The following ATP9B variants were observed in gnomAD, a reference collection of about 807,000 sequenced individuals.
ATP9B encodes ATPase phospholipid transporting 9B, also known as probable phospholipid-transporting ATPase IIB.
Under a neutral mutation model 146.1 loss-of-function variants are expected in ATP9B, and 110 were observed. The ratio of observed to expected loss-of-function variants is 0.75; its 90% confidence interval spans 0.65 to 0.88. ATP9B has a LOEUF of 0.88. Among genes scored for constraint, ATP9B ranks in the 40% least tolerant of loss-of-function variants. The pLI is 0.00. For missense variants in ATP9B, 1,499 were observed against 1,496.4 expected, an observed-to-expected ratio of 1.00 and a Z score of -0.03; for synonymous variants, 604 against 569.7, an observed-to-expected ratio of 1.06 and a Z score of -0.86.
chr18:79,297,363 C>T (rs558292196), intron 13 of ATP9B, among the ~76,000 whole-genome samples: 3 of 148,212 alleles, frequency 2.0e-5, no homozygotes, highest in African/African-American at 7.5e-5. Flanking sequence ...AGAGAGGAGA[C>T]ACAGACGACC....
At chr18:79,207,062 CTT>C in intron 10 of ATP9B, 50 bp downstream of exon 10, 1 of 1,555,948 alleles carries the variant, frequency 6.4e-7, no homozygotes, top group Non-Finnish European at 8.9e-7. Context: ...ATAGATGATG[CTT>C]TGTTTTGTCC....
At chr18:79,322,054 T>G (rs747465181) in intron 15 of ATP9B, among the ~76,000 whole-genome samples, 30 of 152,298 alleles carry the variant, frequency 2.0e-4, no homozygotes, top group Admixed American at 3.9e-4. Flanking sequence ...GATGCACAGG[T>G]GCCACCTCCC....
chr18:79,216,665 C>T (rs541376228), intron 11 of ATP9B, among the ~76,000 whole-genome samples: 13 of 152,296 alleles, frequency 8.5e-5, no homozygotes, highest in East Asian at 5.8e-4. Context: ...TTCCAGTTTC[C>T]GCTGTGTGGG....
chr18:79,321,292 T>C (rs763070124), intron 15 of ATP9B, among the ~76,000 whole-genome samples: 1 of 152,228 alleles, frequency 6.6e-6, no homozygotes, highest in African/African-American at 2.4e-5. Flanking sequence ...CGTGAAGTAT[T>C]GAGTACTTAG....
chr18:79,100,789 G>C (rs2146842066), intron 2 of ATP9B, among the ~76,000 whole-genome samples: 1 of 152,288 alleles, frequency 6.6e-6, no homozygotes, highest in South Asian at 2.1e-4. Context: ...TATGGCAGAA[G>C]GCAAGGAGGA....
chr18:79,170,848 A>C (rs2095059870), intron 7 of ATP9B, among the ~76,000 whole-genome samples: 1 of 152,200 alleles, frequency 6.6e-6, no homozygotes, highest in African/African-American at 2.4e-5. Flanking sequence ...CGCCAAATTT[A>C]TTCAGTTTAT....
intron 8 of ATP9B, among the ~76,000 whole-genome samples, chr18:79,189,748 C>G (rs1245901115): frequency 6.6e-6 from 1 of 152,240 alleles, no homozygotes; most frequent in African/African-American, 2.4e-5. Flanking sequence ...GCAGCCACAG[C>G]TGCAGACTTT....
chr18:79,286,583 C>T (rs1328820757), intron 13 of ATP9B, among the ~76,000 whole-genome samples: 3 of 152,162 alleles, frequency 2.0e-5, no homozygotes, highest in Non-Finnish European at 4.4e-5. Flanking sequence ...GTTTGACTTC[C>T]TCTTTCCCTA....
At chr18:79,186,718 A>G (rs2095311340) in intron 8 of ATP9B, among the ~76,000 whole-genome samples, 1 of 152,228 alleles carries the variant, frequency 6.6e-6, no homozygotes, top group South Asian at 2.1e-4. Flanking sequence ...AATTTTTGCT[A>G]TTAATAGTAC....
intron 5 of ATP9B, among the ~76,000 whole-genome samples, chr18:79,140,705 T>C (rs71364799): frequency 6.6e-6 from 1 of 151,970 alleles, no homozygotes; most frequent in Non-Finnish European, 1.5e-5. Flanking sequence ...ACTTGAACCC[T>C]GGAGGCGGAG....
At position 79,071,869 on chromosome 18, in the gene ATP9B, T is replaced by C. The variant is rs1485944737; in HGVS notation, c.119+2340T>C. On this transcript the variant is annotated intron_variant, in intron 1 of 29. Coordinates refer to ENST00000426216, the MANE Select transcript of ATP9B (RefSeq NM_198531.5). ...TGATGTGTCTTATCATGGATTTCTT[T>C]GGATTTCATGTTTGGTTTTGTTTTT... Among the ~76,000 whole-genome samples, 6 of 149,748 alleles carry C rather than the reference T, an allele frequency of 4.0e-5. No individual in the cohort carries two copies. In the East Asian group the frequency reaches 5.9e-4, roughly 15 times the overall value.
intron 11 of ATP9B, among the ~76,000 whole-genome samples, chr18:79,221,582 G>A (rs568455292): frequency 2.7e-4 from 41 of 152,234 alleles, no homozygotes; most frequent in Non-Finnish European, 4.1e-4. Context: ...TTAGCCGGGC[G>A]TGGTGGCGTG....
At chr18:79,347,060 C>T (rs921211021) in intron 23 of ATP9B, among the ~76,000 whole-genome samples, 3 of 152,226 alleles carry the variant, frequency 2.0e-5, no homozygotes, top group Admixed American at 6.5e-5. Flanking sequence ...GCAGATCCCT[C>T]GGCGAGCCTT....
chr18:79,073,075 G>A (rs953056437), intron 1 of ATP9B, among the ~76,000 whole-genome samples: 1 of 152,018 alleles, frequency 6.6e-6, no homozygotes, highest in African/African-American at 2.4e-5. Context: ...ATGATGGGCC[G>A]CCAGGCGGAG....
intron 26 of ATP9B, 181 bp from the exon 27 acceptor site, chr18:79,372,644 T>G (rs751987088): frequency 1.9e-5 from 13 of 677,642 alleles, no homozygotes; most frequent in African/African-American, 8.9e-5. Context: ...CCAGGCAGCT[T>G]CTTCAGGATT....
intron 9 of ATP9B, among the ~76,000 whole-genome samples, chr18:79,200,727 G>GTCGGGGTCAGAGCAGAGGCGGAGGTGGGA: frequency 1.9e-3 from 85 of 45,502 alleles, no homozygotes; most frequent in African/African-American, 4.0e-3. Context: ...TGGAGGTGGG[G>GTCGGGGTCAGAGCAGAGGCGGAGGTGGGA]ACTGTCGGGG....
Position 79,246,021 on chromosome 18 carries a change from C to CTG in ATP9B, c.1108-7359_1108-7358dup, listed in dbSNP as rs1353044289. ...TGTGCGGAGGGCACCGCCCTACTGA[C>CTG]TGAGGAGGGCACCGCCCTACTGACT... On this transcript the variant is annotated intron_variant, in intron 11 of 29. Coordinates refer to ENST00000426216, the MANE Select transcript of ATP9B (RefSeq NM_198531.5). Among the ~76,000 whole-genome samples the CTG allele has an allele frequency of 2.6e-4, 32 of 123,394 alleles. No homozygotes were observed. In the East Asian group the frequency reaches 2.6e-3, roughly 10 times the overall value. 81.0% of individuals were successfully genotyped at this position (123,394 alleles called of 152,430 possible). A position where few individuals can be genotyped will look rare whatever the true frequency, so the allele number is the denominator to read the frequency against.
chr18:79,143,941 TGAAA>T, intron 6 of ATP9B, 81 bp downstream of exon 6: 1 of 784,044 alleles, frequency 1.3e-6, no homozygotes. Flanking sequence ...CTTCTGAATT[TGAAA>T]GAAATTGAGA....
intron 26 of ATP9B, chr18:79,361,773 T>C: frequency 3.0e-6 from 3 of 985,472 alleles, no homozygotes; most frequent in South Asian, 4.7e-5. Context: ...GCACTCTGCG[T>C]TGTTGTCTGA....
Sources: gnomAD v4.1 joint callset for allele counts (sites outside exome capture counted in the v4.1 genomes callset) on GRCh38, gnomAD v4.1.1 for gene constraint, MANE v1.5 for transcripts, NCBI Gene and HGNC (gene_info 2026-07-23, HGNC 2026-07-21) for gene names.